POFUT3: variants seen among roughly 807,000 people sequenced by gnomAD.
POFUT3 encodes GDP-fucose protein O-fucosyltransferase 3.
At chr8:33,403,421 A>G in the POFUT3 span, among the ~76,000 whole-genome samples, 1 of 152,170 alleles carries the variant, frequency 6.6e-6, no homozygotes, top group Non-Finnish European at 1.5e-5. Context: ...TGTCTTGAGA[A>G]AAAGAAGTTA....
At chr8:33,461,223 G>T in the POFUT3 span, 4 of 449,228 alleles carry the variant, frequency 8.9e-6, no homozygotes, top group Non-Finnish European at 1.5e-5. Flanking sequence ...GGGAGGGAGG[G>T]AGGGAGGGAG....
the POFUT3 span, chr8:33,361,387 G>A: frequency 5.3e-5 from 8 of 152,184 alleles, no homozygotes; most frequent in Non-Finnish European, 1.2e-4. Context: ...TGAACTTTTA[G>A]TACTTTTAAC....
chr8:33,436,163 A>G, the POFUT3 span: 1 of 1,219,912 alleles, frequency 8.2e-7, no homozygotes, highest in Non-Finnish European at 1.1e-6. Context: ...AGGTAAATTA[A>G]GGTCCACGGT....
At chr8:33,326,763 T>C in the POFUT3 span, among the ~76,000 whole-genome samples, 1 of 146,694 alleles carries the variant, frequency 6.8e-6, no homozygotes, top group African/African-American at 2.5e-5. Flanking sequence ...GCCAAGACTC[T>C]CCTACGTTTC....
At chr8:33,368,527 A>T in the POFUT3 span, among the ~76,000 whole-genome samples, 1 of 152,198 alleles carries the variant, frequency 6.6e-6, no homozygotes, top group Non-Finnish European at 1.5e-5. Context: ...CTTGTCTCCT[A>T]GGAGAAAGGC....
chr8:33,324,320 C>G, the POFUT3 span, among the ~76,000 whole-genome samples: 1 of 152,180 alleles, frequency 6.6e-6, no homozygotes, highest in African/African-American at 2.4e-5. Context: ...GGCTCTTCCC[C>G]TCTCTGTCCT....
chr8:33,393,245 A>G, the POFUT3 span, among the ~76,000 whole-genome samples: 3 of 152,332 alleles, frequency 2.0e-5, no homozygotes, highest in African/African-American at 7.2e-5. Flanking sequence ...CGTATGTGCA[A>G]TTGGCTCACT....
the POFUT3 span, among the ~76,000 whole-genome samples, chr8:33,462,543 T>G: frequency 6.6e-6 from 1 of 152,188 alleles, no homozygotes; most frequent in East Asian, 1.9e-4. Context: ...AATAAAGCAG[T>G]GGGCTGTTGG....
the POFUT3 span, among the ~76,000 whole-genome samples, chr8:33,384,394 G>A: frequency 6.6e-6 from 1 of 152,276 alleles, no homozygotes; most frequent in East Asian, 1.9e-4. Context: ...CCCAGTGACA[G>A]GCTAAAATCC....
chr8:33,413,335 C>T, the POFUT3 span, among the ~76,000 whole-genome samples: 1 of 152,042 alleles, frequency 6.6e-6, no homozygotes, highest in Non-Finnish European at 1.5e-5. Context: ...CTCTCTCGGG[C>T]GCTCACTTGC....
chr8:33,358,014 A>G, the POFUT3 span, among the ~76,000 whole-genome samples: 2 of 152,218 alleles, frequency 1.3e-5, no homozygotes, highest in Non-Finnish European at 2.9e-5. Context: ...TGGGAGGCCA[A>G]GGCGGGCAGA....
the POFUT3 span, among the ~76,000 whole-genome samples, chr8:33,462,653 G>A: frequency 2.6e-5 from 4 of 152,206 alleles, no homozygotes; most frequent in African/African-American, 9.6e-5. Flanking sequence ...ATGAGTGCCA[G>A]GTACAGTGGC....
At chr8:33,365,596 G>C in the POFUT3 span, among the ~76,000 whole-genome samples, 1 of 152,064 alleles carries the variant, frequency 6.6e-6, no homozygotes, top group Non-Finnish European at 1.5e-5. Flanking sequence ...GTGGACAAAG[G>C]ATATGAACAG....
chr8:33,347,350 C>G, the POFUT3 span, among the ~76,000 whole-genome samples: 1 of 152,146 alleles, frequency 6.6e-6, no homozygotes, highest in Non-Finnish European at 1.5e-5. Flanking sequence ...TATATTATGT[C>G]TACATGTCCA....
chr8:33,342,956 T>C, the POFUT3 span, among the ~76,000 whole-genome samples: 2 of 151,576 alleles, frequency 1.3e-5, no homozygotes, highest in African/African-American at 4.8e-5. Context: ...AAATACAGAA[T>C]ATTAGCCGGG....
the POFUT3 span, among the ~76,000 whole-genome samples, chr8:33,387,077 T>C: frequency 2.0e-5 from 3 of 152,154 alleles, no homozygotes; most frequent in Non-Finnish European, 4.4e-5. Flanking sequence ...TCTCTCATGT[T>C]TTCACATGGG....
At chr8:33,440,225 G>A in the POFUT3 span, among the ~76,000 whole-genome samples, 146 of 152,228 alleles carry the variant, frequency 9.6e-4, no homozygotes, top group Middle Eastern at 0.014. Flanking sequence ...AGCCAGGCAT[G>A]GTGGCATGCG....
the POFUT3 span, among the ~76,000 whole-genome samples, chr8:33,431,606 T>C: frequency 8.5e-5 from 12 of 141,106 alleles, no homozygotes; most frequent in African/African-American, 3.1e-4. Context: ...AATTGCATAA[T>C]TCCTTTGAAG....
At chr8:33,426,869 G>A in the POFUT3 span, among the ~76,000 whole-genome samples, 3,561 of 152,274 alleles carry the variant, frequency 0.023, 76 homozygotes, top group East Asian at 0.11. Context: ...CCTGGGGAAT[G>A]TTCAGTGAGG....
Sources: allele counts gnomAD v4.1 joint callset (sites outside exome capture counted in the v4.1 genomes callset), GRCh38; gene constraint gnomAD v4.1.1; transcripts MANE v1.5; gene names NCBI Gene and HGNC (gene_info 2026-07-23, HGNC 2026-07-21).